SNX11: variants seen among roughly 807,000 people sequenced by gnomAD.
SNX11 encodes the protein sorting nexin 11.
A neutral mutation model predicts 30.7 loss-of-function variants in SNX11; 19 were observed. The observed-to-expected ratio is 0.62, with a 90% confidence interval of 0.43 to 0.91. The LOEUF (loss-of-function observed/expected upper bound fraction) is 0.91, where lower values mean the gene tolerates loss of function less well. SNX11 is among the 40% of genes least tolerant of loss of function. The pLI is 0.00. For missense variants in SNX11, 302 were observed against 326.7 expected (o/e 0.92, Z 0.58); for synonymous variants, 112 against 119.0 (o/e 0.94, Z 0.38).
intron 5 of SNX11, 61 bp from the exon 6 acceptor site, chr17:48,118,913 G>A (rs2063572153): frequency 6.3e-7 from 1 of 1,576,626 alleles, no homozygotes; most frequent in African/African-American, 1.3e-5. Context: ...TAAGAGGATG[G>A]GGAATGGAGA....
chr17:48,112,633 T>A lies in SNX11; in HGVS notation c.102T>A (p.Ser34=). 1.9e-6 allele frequency: 3 copies of A among 1,613,332 alleles called. No individual in the cohort carries two copies. The highest frequency in any genetic ancestry group is 2.5e-6 in the Non-Finnish European group (3 of 1,179,364). Reference sequence around the variant, plus strand: ...TGCAGAATGAGGGCTCCTGGAACTCTTATGTGGATTATAAGATATTCCTCC... The same window carrying A: ...TGCAGAATGAGGGCTCCTGGAACTCATATGTGGATTATAAGATATTCCTCC... ...PRVQNEGSWN[S]YVDYKIFLHT... is the part of the protein sequence containing the mutation. Residue 34 remains serine, a synonymous_variant, in exon 3 of 7, where the codon TCT becomes TCA. Coordinates refer to ENST00000359238, the MANE Select transcript of SNX11 (RefSeq NM_013323.3).
intron 4 of SNX11, among the ~76,000 whole-genome samples, chr17:48,117,013 A>G (rs773919488): frequency 6.6e-6 from 1 of 151,634 alleles, no homozygotes; most frequent in Non-Finnish European, 1.5e-5. Context: ...CTGGGATTAC[A>G]GGGGTGCACC....
At chr17:48,119,225 T>G in intron 6 of SNX11, 39 bp downstream of exon 6, 1 of 1,480,304 alleles carries the variant, frequency 6.8e-7, no homozygotes, top group Non-Finnish European at 9.4e-7. Context: ...GGGCTAGGTT[T>G]GCTATAACCT....
chr17:48,115,064 C>CTT lies in SNX11; in HGVS notation c.230+1677_230+1678dup, dbSNP rs1239738711. 3.3e-3 allele frequency among the ~76,000 whole-genome samples: 406 copies of CTT among 123,198 alleles called. 5 individuals carry two copies. Among genetic ancestry groups the CTT allele is most frequent in the African/African-American group, 0.011 (382 of 33,438 alleles). The allele number at this position is 123,198 out of a possible 152,430, so 80.8% of individuals were successfully genotyped here. A position where few individuals can be genotyped will look rare whatever the true frequency, so the allele number is the denominator to read the frequency against. ...TGAGCCACCATGCTCCGCCTTTTTT[C>CTT]TTTTTTTTTTTTTTTGAGACGGAGT... On this transcript the variant is annotated intron_variant, in intron 4 of 6. Transcript: ENST00000359238.
Position 48,123,322 on chromosome 17 carries a change from C to T in SNX11, c.*1814C>T, listed in dbSNP as rs2063616544. On this transcript the variant is annotated 3_prime_UTR_variant, in exon 7 of 7. Coordinates refer to ENST00000359238, the MANE Select transcript of SNX11 (RefSeq NM_013323.3). ...ATGAATATTAATGAGCCCAATGCTC[C>T]AAATGGTGCAGCTGTGAACCCAGCT... Among the ~76,000 whole-genome samples, 1 of 152,146 alleles carries T rather than the reference C, an allele frequency of 6.6e-6. No individual in the cohort carries two copies. The highest frequency in any genetic ancestry group is 6.6e-5 in the Admixed American group (1 of 15,266).
In SNX11 at chr17:48,113,358, T is replaced by C. The variant is rs755941935; in HGVS notation, c.187T>C (p.Phe63Leu). The C allele has an allele frequency of 1.2e-6, 2 of 1,613,690 alleles. No individual in the cohort carries two copies. Among genetic ancestry groups the C allele is most frequent in the African/African-American group, 1.3e-5 (1 of 74,990 alleles). Reference protein sequence around the residue: ...TSCVRRRYREFVWLRKQLQRN... With the variant: ...TSCVRRRYRELVWLRKQLQRN... ...CTGTGTGCGGCGCCGCTACCGTGAG[T>C]TCGTGTGGCTGAGAAAGCAGCTACA... is the stretch of plus-strand genomic sequence containing the variant. Residue 63 changes from phenylalanine to leucine, a missense_variant, in exon 4 of 7, where the codon TTC becomes CTC. Phe to Leu is a conservative substitution (Grantham distance 22). Coordinates refer to ENST00000359238, the MANE Select transcript of SNX11 (RefSeq NM_013323.3).
intron 4 of SNX11, among the ~76,000 whole-genome samples, chr17:48,114,089 C>G (rs1172759523): frequency 6.6e-6 from 1 of 151,512 alleles, no homozygotes; most frequent in Non-Finnish European, 1.5e-5. Flanking sequence ...TTCCTGGACT[C>G]AAGTGATCCA....
At chr17:48,109,827 T>C in intron 1 of SNX11, among the ~76,000 whole-genome samples, 1 of 152,158 alleles carries the variant, frequency 6.6e-6, no homozygotes, top group East Asian at 1.9e-4. Context: ...AGTTCATAGC[T>C]ATTTGTTTCT....
In SNX11 at chr17:48,121,537, A is replaced by G. The variant is rs2063603105; in HGVS notation, c.*29A>G. 6.2e-7 allele frequency: 1 copy of G among 1,608,026 alleles called. No homozygotes were observed. The highest frequency in any genetic ancestry group is 8.5e-7 in the Non-Finnish European group (1 of 1,177,192). On this transcript the variant is annotated 3_prime_UTR_variant, in exon 7 of 7. Coordinates refer to ENST00000359238, the MANE Select transcript of SNX11 (RefSeq NM_013323.3). ...CTGGGTTCTGCTCTGAGATGGTCAG[A>G]GAAGATGCGGGCCAGGAGACTTACT...
chr17:48,116,528 T>C (rs2144521380), intron 4 of SNX11, among the ~76,000 whole-genome samples: 1 of 152,010 alleles, frequency 6.6e-6, no homozygotes, highest in South Asian at 2.1e-4. Context: ...TCCAGTTTCT[T>C]CCTTTTTAAA....
At chr17:48,112,701 A>C in intron 3 of SNX11, 41 bp downstream of exon 3, 2 of 1,297,178 alleles carry the variant, frequency 1.5e-6, no homozygotes, top group Middle Eastern at 4.2e-4. Context: ...AGCGCTCTGC[A>C]GGGCTGAGGG....
chr17:48,118,223 A>T (rs1264710925), intron 4 of SNX11, among the ~76,000 whole-genome samples: 5 of 152,202 alleles, frequency 3.3e-5, no homozygotes, highest in Non-Finnish European at 5.9e-5. Context: ...CATGTTTATA[A>T]AACATTTAGC....
chr17:48,118,869 G>T, intron 5 of SNX11, 70 bp downstream of exon 5: 1 of 1,559,254 alleles, frequency 6.4e-7, no homozygotes, highest in Non-Finnish European at 8.8e-7. Context: ...TGCCAGGCAG[G>T]ATGGAGCTCC....
intron 2 of SNX11, 24 bp downstream of exon 2, chr17:48,112,109 C>A: frequency 6.2e-7 from 1 of 1,610,232 alleles, no homozygotes; most frequent in Non-Finnish European, 8.5e-7. Context: ...CTGCAGAGAA[C>A]AGGTGGGTAA....
chr17:48,111,197 C>G, intron 1 of SNX11: 1 of 862,868 alleles, frequency 1.2e-6, no homozygotes, highest in Non-Finnish European at 1.4e-6. Context: ...CTGGGCAACC[C>G]ACTCAGGTGC....
In SNX11 at chr17:48,123,091, A is replaced by G. The variant is rs1367427495; in HGVS notation, c.*1583A>G. On this transcript the variant is annotated 3_prime_UTR_variant, in exon 7 of 7. Coordinates refer to ENST00000359238, the MANE Select transcript of SNX11 (RefSeq NM_013323.3). ...AGATGCAAAGCCCTGGCTGGTATTC[A>G]TCCCTCTTTCCTGCCCGCCTCCCCT... 1 of 152,184 alleles carries G rather than the reference A, an allele frequency of 6.6e-6. No homozygotes were observed. The highest frequency in any genetic ancestry group is 1.5e-5 in the Non-Finnish European group (1 of 68,060). The allele number at this position is 152,184 out of a possible 1,614,324, so 9.4% of individuals were successfully genotyped here. A position where few individuals can be genotyped will look rare whatever the true frequency, so the allele number is the denominator to read the frequency against.
intron 4 of SNX11, 60 bp from the exon 5 acceptor site, chr17:48,118,644 C>A: frequency 1.6e-6 from 2 of 1,212,666 alleles, no homozygotes; most frequent in Non-Finnish European, 2.4e-6. Context: ...TGATCAGAGG[C>A]CGGAATGACT....
intron 6 of SNX11, 103 bp downstream of exon 6, chr17:48,119,289 C>T: frequency 1.1e-6 from 1 of 880,230 alleles, no homozygotes; most frequent in Non-Finnish European, 1.8e-6. Flanking sequence ...CATTGGTAGC[C>T]TTTCACAACC....
chr17:48,113,499 A>T, intron 4 of SNX11, 98 bp downstream of exon 4: 2 of 778,234 alleles, frequency 2.6e-6, no homozygotes, highest in Non-Finnish European at 4.4e-6. Context: ...GCAACATACC[A>T]GGCACTAAGG....
Sources: allele counts gnomAD v4.1 joint callset (sites outside exome capture counted in the v4.1 genomes callset), GRCh38; gene constraint gnomAD v4.1.1; transcripts MANE v1.5; gene names NCBI Gene and HGNC (gene_info 2026-07-23, HGNC 2026-07-21).